ZFYVE28: variants seen among roughly 807,000 people sequenced by gnomAD.
ZFYVE28 encodes the protein lateral signaling target protein 2 homolog.
Under a neutral mutation model 82.1 loss-of-function variants are expected in ZFYVE28, and 40 were observed. That is an observed-to-expected ratio of 0.49 (90% CI 0.38 to 0.63). The LOEUF is 0.63. Among genes scored for constraint, ZFYVE28 ranks in the 30% least tolerant of loss-of-function variants. The pLI, the probability that ZFYVE28 is intolerant of heterozygous loss-of-function variation, is 0.00. For synonymous variants in ZFYVE28, 612 were observed against 546.1 expected (o/e 1.12, Z -1.68); for missense variants, 1,321 against 1,242.1 (o/e 1.06, Z -0.96).
intron 8 of ZFYVE28, among the ~76,000 whole-genome samples, chr4:2,294,859 C>G (rs1208735651): frequency 1.5e-4 from 23 of 152,152 alleles, no homozygotes; most frequent in Admixed American, 1.5e-3. Flanking sequence ...GCCTGTAGTT[C>G]CAGCTAATTG....
chr4:2,334,975 G>C (rs901985634), intron 6 of ZFYVE28, among the ~76,000 whole-genome samples: 4 of 149,810 alleles, frequency 2.7e-5, no homozygotes, highest in African/African-American at 9.8e-5. Context: ...TCAGGGTGTG[G>C]ATGAGCAGCC....
At chr4:2,413,851 C>T (rs1400372260) in intron 1 of ZFYVE28, among the ~76,000 whole-genome samples, 1 of 152,164 alleles carries the variant, frequency 6.6e-6, no homozygotes. Context: ...CTCTCATAGG[C>T]CCCACTCGTG....
Position 2,341,597 on chromosome 4 carries a change from T to C in ZFYVE28, c.199A>G (p.Ile67Val), listed in dbSNP as rs1398325809. 6.2e-7 allele frequency: 1 copy of C among 1,612,022 alleles called. No homozygotes were observed. The highest frequency in any genetic ancestry group is 1.3e-5 in the African/African-American group (1 of 74,908). The change falls in exon 3 of 13, where the codon ATT (isoleucine) becomes GTT (valine). Residue 67 changes from isoleucine to valine, a missense_variant. Ile to Val is a conservative substitution (Grantham distance 29, BLOSUM62 3). Transcript: ENST00000290974. This position sits in a 1 kb window ranked among gnomAD's most constrained non-coding sequence, Gnocchi z 4.5. ...RSCQDNVLNI[I>V]NQIMDECIPQ... ...ATGCACTCATCCATGATCTGGTTAA[T>C]GATGTTCAACACATTGTCCTGAAAC...
At chr4:2,403,721 T>C (rs1326430168) in intron 1 of ZFYVE28, among the ~76,000 whole-genome samples, 2 of 152,032 alleles carry the variant, frequency 1.3e-5, no homozygotes, top group African/African-American at 2.4e-5. Context: ...TCCCAGCACT[T>C]TGGGACGCCA....
intron 1 of ZFYVE28, among the ~76,000 whole-genome samples, chr4:2,390,215 C>A (rs780977167): frequency 6.6e-6 from 1 of 152,178 alleles, no homozygotes; most frequent in Admixed American, 6.5e-5. Context: ...CCAAGCTGGC[C>A]GGCAGCTACC....
At chr4:2,290,560 C>T (rs551926971) in intron 8 of ZFYVE28, among the ~76,000 whole-genome samples, 1 of 152,314 alleles carries the variant, frequency 6.6e-6, no homozygotes, top group South Asian at 2.1e-4. Context: ...AGCCGGGGGC[C>T]ATGGGGGCAG....
chr4:2,388,957 G>A (rs7665960), intron 1 of ZFYVE28, among the ~76,000 whole-genome samples: 4,937 of 152,034 alleles, frequency 0.032, 265 homozygotes, highest in African/African-American at 0.11. Context: ...CCACAGAGAG[G>A]GAGTGGCCAA....
chr4:2,303,680 C>G (rs1156472184), intron 8 of ZFYVE28, among the ~76,000 whole-genome samples: 5 of 152,168 alleles, frequency 3.3e-5, no homozygotes, highest in Admixed American at 2.0e-4. Context: ...CCCATCTCCC[C>G]CCAGTGCAGG....
At chr4:2,403,604 T>C (rs991139540) in intron 1 of ZFYVE28, among the ~76,000 whole-genome samples, 2 of 152,138 alleles carry the variant, frequency 1.3e-5, no homozygotes, top group African/African-American at 2.4e-5. Flanking sequence ...AGCAGGGCCA[T>C]AGATGCCCTC....
intron 8 of ZFYVE28, among the ~76,000 whole-genome samples, chr4:2,278,098 G>A (rs544230241): frequency 2.4e-4 from 37 of 152,196 alleles, no homozygotes; most frequent in Non-Finnish European, 4.0e-4. Flanking sequence ...AAATGCTGCC[G>A]GAAAACCGGA....
chr4:2,294,975 A>AT (rs1344138614), intron 8 of ZFYVE28, among the ~76,000 whole-genome samples: 1 of 147,588 alleles, frequency 6.8e-6, no homozygotes, highest in Non-Finnish European at 1.5e-5. Context: ...AAAAAAAAAG[A>AT]TTTTCAACAT....
intron 7 of ZFYVE28, among the ~76,000 whole-genome samples, chr4:2,319,479 T>C (rs1348340810): frequency 1.3e-5 from 2 of 152,208 alleles, no homozygotes; most frequent in African/African-American, 4.8e-5. Flanking sequence ...GGCAGAGTTC[T>C]AGGCTTCTGG....
At chr4:2,334,508 AACCCCAGTGCACTGCCACG>A (rs1721262486) in intron 6 of ZFYVE28, among the ~76,000 whole-genome samples, 1 of 151,454 alleles carries the variant, frequency 6.6e-6, no homozygotes, top group African/African-American at 2.4e-5. Context: ...ATCCATGCTC[AACCCCAGTGCACTGCCACG>A]TGTGCCTGTG....
chr4:2,383,848 G>A (rs572497319), intron 1 of ZFYVE28, among the ~76,000 whole-genome samples: 1 of 152,306 alleles, frequency 6.6e-6, no homozygotes, highest in African/African-American at 2.4e-5. Flanking sequence ...GGTGTCGCTG[G>A]CGTGTGTTAC....
chr4:2,303,723 GCCCTGGGAACAC>G (rs1351716660), intron 8 of ZFYVE28, among the ~76,000 whole-genome samples: 2 of 152,116 alleles, frequency 1.3e-5, no homozygotes, highest in Non-Finnish European at 2.9e-5. Context: ...AGGGGCAGAG[GCCCTGGGAACAC>G]CCCTGGGAAT....
chr4:2,272,719 G>A (rs551343260), intron 10 of ZFYVE28, among the ~76,000 whole-genome samples: 1 of 152,140 alleles, frequency 6.6e-6, no homozygotes, highest in Admixed American at 6.5e-5. Flanking sequence ...GGGCAGCCTC[G>A]GGCTGCTCTG....
intron 1 of ZFYVE28, among the ~76,000 whole-genome samples, chr4:2,385,729 C>CAAAACAAAA (rs1273303708): frequency 6.6e-6 from 1 of 151,164 alleles, no homozygotes; most frequent in Non-Finnish European, 1.5e-5. Context: ...TCCCTTCTCA[C>CAAAACAAAA]AAAACAAAAA....
At chr4:2,344,911 A>G (rs979942032) in intron 2 of ZFYVE28, among the ~76,000 whole-genome samples, 4 of 149,594 alleles carry the variant, frequency 2.7e-5, no homozygotes, top group African/African-American at 9.9e-5. Flanking sequence ...AAAAACAAAA[A>G]ACAAAAACAA....
rs1712428460 is a variant in ZFYVE28, at chr4:2,284,472, G to T, written c.2052-10256C>A. ...CCCAGCTTTCAGAGGAAGCATTTTG[G>T]TGGAGATTTCACCAATGAGATGGAG... On this transcript the variant is annotated intron_variant, in intron 8 of 12. Transcript: ENST00000290974. 3.3e-5 allele frequency among the ~76,000 whole-genome samples: 5 copies of T among 152,156 alleles called. No homozygotes were observed. In the South Asian group the frequency reaches 1.0e-3, roughly 32 times the overall value.
Sources: allele counts gnomAD v4.1 joint callset (sites outside exome capture counted in the v4.1 genomes callset), GRCh38; gene constraint gnomAD v4.1.1; non-coding constraint Gnocchi (gnomAD v3.1); transcripts MANE v1.5; gene names NCBI Gene and HGNC (gene_info 2026-07-23, HGNC 2026-07-21).